Variants in CMYA5 observed in about 807,000 individuals in gnomAD.
CMYA5 encodes the protein cardiomyopathy-associated protein 5.
CMYA5 carries 246 observed loss-of-function variants against 318.9 expected under a neutral mutation model. The observed-to-expected ratio is 0.77, with a 90% CI of 0.70 to 0.86. CMYA5 has a LOEUF of 0.86. Among genes scored for constraint, CMYA5 ranks in the 40% least tolerant of loss-of-function variants. The pLI is 0.00. For missense variants in CMYA5, 4,589 were observed against 4,678.2 expected, an observed-to-expected ratio of 0.98 and a Z score of 0.56; for synonymous variants, 1,641 against 1,729.5, an observed-to-expected ratio of 0.95 and a Z score of 1.27.
chr5:79,728,894 T>C, intron 1 of CMYA5, 21 bp from the exon 2 acceptor site: 1 of 1,154,904 alleles, frequency 8.7e-7, no homozygotes, highest in Non-Finnish European at 1.1e-6. Flanking sequence ...AATATATAAT[T>C]AATATTGTTA....
intron 1 of CMYA5, among the ~76,000 whole-genome samples, chr5:79,715,565 A>G (rs570542162): frequency 6.6e-6 from 1 of 152,040 alleles, no homozygotes; most frequent in South Asian, 2.1e-4. Context: ...GGGATTACAG[A>G]CGTGAGCCAC....
chr5:79,750,139 G>A (rs2151091819), intron 5 of CMYA5, among the ~76,000 whole-genome samples: 1 of 152,136 alleles, frequency 6.6e-6, no homozygotes, highest in East Asian at 1.9e-4. Flanking sequence ...GACATTACAA[G>A]AAGAAGTTGA....
At chr5:79,770,154 C>T (rs941915011) in intron 9 of CMYA5, among the ~76,000 whole-genome samples, 2 of 152,206 alleles carry the variant, frequency 1.3e-5, no homozygotes, top group African/African-American at 4.8e-5. Context: ...CCCCTCCCCC[C>T]ACCAAGCTCG....
intron 10 of CMYA5, among the ~76,000 whole-genome samples, chr5:79,790,076 G>A (rs1288969535): frequency 6.6e-6 from 1 of 152,190 alleles, no homozygotes; most frequent in Non-Finnish European, 1.5e-5. Context: ...AAGGTTGAGT[G>A]GGCGCAACAA....
chr5:79,708,905 C>T (rs1827325937), intron 1 of CMYA5, among the ~76,000 whole-genome samples: 1 of 152,274 alleles, frequency 6.6e-6, no homozygotes, highest in South Asian at 2.1e-4. Context: ...CCATACTCCA[C>T]TCTGTCACTC....
intron 12 of CMYA5, among the ~76,000 whole-genome samples, chr5:79,793,967 G>A (rs1011170637): frequency 6.6e-6 from 1 of 152,216 alleles, no homozygotes; most frequent in Admixed American, 6.5e-5. Context: ...GTGGGTAAGA[G>A]ATAGGGAAGA....
chr5:79,746,059 CAG>C (rs1308263684), intron 4 of CMYA5, among the ~76,000 whole-genome samples: 4 of 152,176 alleles, frequency 2.6e-5, no homozygotes, highest in Non-Finnish European at 5.9e-5. Context: ...ATTGCACCAG[CAG>C]AGACACCTCT....
chr5:79,776,447 GT>G (rs578096104), intron 9 of CMYA5, among the ~76,000 whole-genome samples: 2 of 151,954 alleles, frequency 1.3e-5, no homozygotes, highest in Non-Finnish European at 2.9e-5. Flanking sequence ...TATTCAGTTG[GT>G]TTTTTATATT....
rs1829333241 is a variant in CMYA5, at chr5:79,799,489, A to G, written c.12083A>G (p.Glu4028Gly). 6.2e-7 allele frequency: 1 copy of G among 1,614,030 alleles called. No homozygotes were observed. Among genetic ancestry groups the G allele is most frequent in the African/African-American group, 1.3e-5 (1 of 75,054 alleles). Residue 4028 changes from glutamate (E) to glycine (G), a missense_variant, in exon 13 of 13, where the codon GAG (glutamate) becomes GGG (glycine). Physicochemically the swap from Glu to Gly is moderately conservative, Grantham distance 98. Transcript: ENST00000446378. ...QRLIFINAES[E>G]QLLFIIRHRF... The stretch of plus-strand genomic sequence containing the variant: ...CTTATCTTCATCAACGCAGAGAGCG[A>G]GCAGTTGCTCTTCATCATCAGGCAC...
chr5:79,763,052 C>T lies in CMYA5; in HGVS notation c.11408-10C>T. On this transcript the variant is annotated splice_polypyrimidine_tract_variant and intron_variant, in intron 8 of 12. Transcript: ENST00000446378. ...ATTGCTCCACGACTGTCCTGACTCT[C>T]TTTCTGCAGCACCCTCCACCCCTGT... is the stretch of plus-strand genomic sequence containing the variant. The T allele has an allele frequency of 6.2e-7, 1 of 1,609,900 alleles. No individual in the cohort carries two copies.
rs758399481 is a variant in CMYA5, at chr5:79,739,277, GA to G, written c.10517del (p.Lys3506SerfsTer37). On this transcript the variant is annotated frameshift_variant, in exon 2 of 13. Coordinates refer to ENST00000446378, the MANE Select transcript of CMYA5 (RefSeq NM_153610.5). LOFTEE classifies it high-confidence loss of function. ...TAACTGAAAAGGCACAAAAAGAGCT[GA>G]AAAAGTCCCAGATTGACACATACTG... The part of the protein sequence containing the change: ...VVTEKAQKEL[K>X]KSQIDTYCYT... 3 of 1,610,054 alleles carry G rather than the reference GA, an allele frequency of 1.9e-6. No individual in the cohort carries two copies. The highest frequency in any genetic ancestry group is 2.2e-5 in the South Asian group (2 of 90,002).
intron 9 of CMYA5, among the ~76,000 whole-genome samples, chr5:79,777,680 C>G (rs1389353592): frequency 6.6e-6 from 1 of 151,988 alleles, no homozygotes; most frequent in Admixed American, 6.6e-5. Flanking sequence ...GAGGCTGAGG[C>G]AGGAGAATTG....
chr5:79,691,378 A>C (rs766177232), intron 1 of CMYA5, among the ~76,000 whole-genome samples: 5 of 152,222 alleles, frequency 3.3e-5, no homozygotes, highest in African/African-American at 4.8e-5. Context: ...CACAATTTAC[A>C]ACCAAGAGAA....
intron 10 of CMYA5, 47 bp from the exon 11 acceptor site, chr5:79,790,923 C>T (rs750647360): frequency 7.6e-7 from 1 of 1,315,024 alleles, no homozygotes; most frequent in Non-Finnish European, 1.1e-6. Flanking sequence ...AGGGACAGCA[C>T]TGGTCCTTGT....
At chr5:79,741,814 A>G (rs576511225) in intron 2 of CMYA5, among the ~76,000 whole-genome samples, 15 of 152,342 alleles carry the variant, frequency 9.8e-5, no homozygotes, top group Admixed American at 9.1e-4. Flanking sequence ...AACAAATTTT[A>G]TAAGTAGAGA....
At chr5:79,694,645 T>G (rs1827032786) in intron 1 of CMYA5, among the ~76,000 whole-genome samples, 1 of 152,352 alleles carries the variant, frequency 6.6e-6, no homozygotes, top group East Asian at 1.9e-4. Context: ...AAATTATTAG[T>G]GACATTCACA....
intron 2 of CMYA5, 134 bp downstream of exon 2, chr5:79,739,537 A>C (rs1231349042): frequency 1.4e-6 from 1 of 728,608 alleles, no homozygotes; most frequent in Non-Finnish European, 2.0e-6. Context: ...AAGCAAACTA[A>C]GAATATTTCT....
intron 8 of CMYA5, chr5:79,762,860 A>C: frequency 1.7e-6 from 1 of 575,082 alleles, no homozygotes; most frequent in East Asian, 2.9e-5. Flanking sequence ...ATGGGTGAGA[A>C]CTGGGCAATG....
Position 79,793,606 on chromosome 5 carries a change from C to T in CMYA5, c.11959C>T (p.Gln3987Ter), listed in dbSNP as rs778611559. 3 of 1,591,024 alleles carry T rather than the reference C, an allele frequency of 1.9e-6. No individual in the cohort carries two copies. The highest frequency in any genetic ancestry group is 2.6e-6 in the Non-Finnish European group (3 of 1,161,784). ...ATGGTACATGCACTGCTCTGAGCCA[C>T]AGAGGTAAGCGAGCCCTTCCCCTCC... ...TSWYMHCSEP[Q>*]RYTFFYSGIV... Residue 3987 changes from glutamine (Q) to a stop codon, truncating the protein, a stop_gained, in exon 12 of 13, where the codon CAG becomes TAG. Coordinates refer to ENST00000446378, the MANE Select transcript of CMYA5 (RefSeq NM_153610.5). LOFTEE classifies it high-confidence loss of function.
Sources: gnomAD v4.1 joint callset for allele counts (sites outside exome capture counted in the v4.1 genomes callset) on GRCh38, gnomAD v4.1.1 for gene constraint, MANE v1.5 for transcripts, NCBI Gene and HGNC (gene_info 2026-07-23, HGNC 2026-07-21) for gene names.